Variants in C12orf42 observed in about 807,000 individuals in gnomAD.
C12orf42 encodes the protein uncharacterized protein C12orf42.
Under a neutral mutation model 21.6 loss-of-function variants are expected in C12orf42, and 25 were observed. The observed-to-expected ratio is 1.16, with a 90% confidence interval of 0.84 to 1.62. The LOEUF (loss-of-function observed/expected upper bound fraction) is 1.62. Ranked by LOEUF, C12orf42 falls within the 40% of genes most tolerant of loss-of-function variation. The pLI is 0.00. For missense variants in C12orf42, 483 were observed against 459.3 expected (o/e 1.05, Z -0.47); for synonymous variants, 174 against 175.0 (o/e 0.99, Z 0.05).
At chr12:103,549,694 G>A in the C12orf42 span, 1 of 152,190 alleles carries the variant, frequency 6.6e-6, no homozygotes, top group African/African-American at 2.4e-5. Flanking sequence ...GTAGATCAAT[G>A]TTAAAACCCA....
chr12:103,286,266 A>AAATAAATAAATT (rs1392479383), intron 4 of C12orf42, among the ~76,000 whole-genome samples: 8 of 146,060 alleles, frequency 5.5e-5, no homozygotes, highest in Non-Finnish European at 7.4e-5. Context: ...ATAAATAAAT[A>AAATAAATAAATT]AATAAATAAA....
chr12:103,172,891 G>C, the C12orf42 span, among the ~76,000 whole-genome samples: 1 of 152,058 alleles, frequency 6.6e-6, no homozygotes, highest in Non-Finnish European at 1.5e-5. Flanking sequence ...AATAATTAAA[G>C]TTTCCACCAC....
chr12:103,225,212 GT>G, the C12orf42 span, among the ~76,000 whole-genome samples: 3 of 152,188 alleles, frequency 2.0e-5, no homozygotes, highest in African/African-American at 7.2e-5. Flanking sequence ...GGACAAAAGA[GT>G]GTACTGGGTT....
chr12:103,478,188 T>C (rs1018312064), intron 2 of C12orf42, 161 bp downstream of exon 2: 7 of 543,366 alleles, frequency 1.3e-5, no homozygotes, highest in African/African-American at 1.2e-4. Context: ...AATTATGCTA[T>C]AATTTACAAT....
intron 4 of C12orf42, among the ~76,000 whole-genome samples, chr12:103,322,096 TGTGCACGCGCGTGC>T (rs1178168172): frequency 1.4e-5 from 2 of 145,690 alleles, no homozygotes; most frequent in Non-Finnish European, 3.0e-5. Context: ...TCTTCTCAGA[TGTGCACGCGCGTGC>T]GTGCGCGCGC....
intron 3 of C12orf42, among the ~76,000 whole-genome samples, chr12:103,382,196 A>G (rs11111544): frequency 0.05 from 7,650 of 152,188 alleles, 552 homozygotes; most frequent in East Asian, 0.18. Context: ...TCCTCATGAA[A>G]AATTAGTAAT....
chr12:103,513,164 C>T, the C12orf42 span, among the ~76,000 whole-genome samples: 1 of 152,072 alleles, frequency 6.6e-6, no homozygotes, highest in Non-Finnish European at 1.5e-5. Context: ...CCGGAGCTGG[C>T]ACTGTAAATG....
intron 4 of C12orf42, 54 bp downstream of exon 4, chr12:103,368,833 G>T (rs2044881696): frequency 4.3e-6 from 4 of 926,822 alleles, no homozygotes; most frequent in African/African-American, 1.7e-5. Context: ...CCTGTACATA[G>T]TCCAGAGTTT....
intron 4 of C12orf42, among the ~76,000 whole-genome samples, chr12:103,278,402 G>C (rs576371029): frequency 1.3e-5 from 2 of 152,334 alleles, no homozygotes; most frequent in South Asian, 4.1e-4. Context: ...AAAAGCCCAA[G>C]AGTGTAATAT....
the C12orf42 span, among the ~76,000 whole-genome samples, chr12:103,053,552 G>A: frequency 6.6e-6 from 1 of 151,918 alleles, no homozygotes; most frequent in Admixed American, 6.6e-5. Context: ...TGTAGTTTAA[G>A]TTTTATCCTC....
the C12orf42 span, among the ~76,000 whole-genome samples, chr12:103,203,498 T>C: frequency 7.2e-5 from 11 of 152,288 alleles, 1 homozygote; most frequent in East Asian, 2.1e-3. Context: ...TCATAATTAC[T>C]TTAAAAAAAT....
intron 2 of C12orf42, among the ~76,000 whole-genome samples, chr12:103,467,762 T>A (rs1208532911): frequency 9.9e-5 from 15 of 152,200 alleles, no homozygotes; most frequent in Non-Finnish European, 2.1e-4. Context: ...CAAAACCTCA[T>A]GTATGCTGTG....
At chr12:103,256,983 G>T (rs754991489) in intron 10 of C12orf42, among the ~76,000 whole-genome samples, 4 of 152,054 alleles carry the variant, frequency 2.6e-5, no homozygotes, top group Non-Finnish European at 5.9e-5. Context: ...TTGTGGTTTT[G>T]ACTGGATAAA....
the C12orf42 span, among the ~76,000 whole-genome samples, chr12:103,158,806 G>A: frequency 3.3e-5 from 5 of 151,684 alleles, no homozygotes; most frequent in Non-Finnish European, 7.4e-5. Flanking sequence ...CTTAAACCCG[G>A]GAGGCGGAGG....
chr12:103,372,825 C>T (rs2045375336), intron 3 of C12orf42, among the ~76,000 whole-genome samples: 1 of 152,178 alleles, frequency 6.6e-6, no homozygotes, highest in Non-Finnish European at 1.5e-5. Flanking sequence ...GTCCCTAATA[C>T]ATGAGTCATG....
At chr12:103,459,144 C>T (rs1018124511) in intron 2 of C12orf42, among the ~76,000 whole-genome samples, 2 of 152,098 alleles carry the variant, frequency 1.3e-5, no homozygotes, top group South Asian at 2.1e-4. Context: ...AGAGGGATCC[C>T]GTATTTCCCA....
At chr12:103,068,854 C>T in the C12orf42 span, among the ~76,000 whole-genome samples, 3 of 142,174 alleles carry the variant, frequency 2.1e-5, no homozygotes, top group East Asian at 2.0e-4. Context: ...GGAGTTAATA[C>T]TACATAATAA....
the C12orf42 span, among the ~76,000 whole-genome samples, chr12:103,100,855 A>T: frequency 6.6e-6 from 1 of 152,162 alleles, no homozygotes; most frequent in Admixed American, 6.5e-5. Context: ...GTTGGAGAGG[A>T]CAAAAAAAAG....
At chr12:103,522,788 A>G in the C12orf42 span, among the ~76,000 whole-genome samples, 1 of 152,166 alleles carries the variant, frequency 6.6e-6, no homozygotes, top group African/African-American at 2.4e-5. Context: ...CCCAAAATAT[A>G]TTGCCTGCAA....
Sources: allele counts gnomAD v4.1 joint callset (sites outside exome capture counted in the v4.1 genomes callset), GRCh38; gene constraint gnomAD v4.1.1; transcripts MANE v1.5; gene names NCBI Gene and HGNC (gene_info 2026-07-23, HGNC 2026-07-21).